Variants in FAM193A observed in about 807,000 individuals in gnomAD.
FAM193A encodes family with sequence similarity 193 member A.
A neutral mutation model predicts 126.5 loss-of-function variants in FAM193A; 22 were observed. The ratio of observed to expected loss-of-function variants is 0.17; its 90% CI spans 0.12 to 0.25. The LOEUF (loss-of-function observed/expected upper bound fraction) is 0.25. Ranked by LOEUF, FAM193A falls within the 10% of genes least tolerant of loss-of-function variation. FAM193A has a pLI of 1.00. For synonymous variants in FAM193A, 761 were observed against 646.8 expected (o/e 1.18, Z -2.68); for missense variants, 1,675 against 1,672.8 (o/e 1.00, Z -0.02).
rs114813479 is a variant in FAM193A, at chr4:2,656,743, C to T, written c.1312-1060C>T. Among the ~76,000 whole-genome samples the T allele has an allele frequency of 8.8e-3, 1,343 of 152,320 alleles. 17 individuals carry two copies. The highest frequency in any genetic ancestry group is 0.031 in the African/African-American group (1,291 of 41,558). On this transcript the variant is annotated intron_variant, in intron 7 of 20. Coordinates refer to ENST00000637812, the MANE Select transcript of FAM193A (RefSeq NM_001366318.2). ...AGAAATCTGGATTATTAGGTGAAAT[C>T]TCGAACACTTTTAAAAAGAGGTGAA... is the stretch of plus-strand genomic sequence containing the variant.
At chr4:2,603,720 A>G (rs1022318134) in intron 2 of FAM193A, among the ~76,000 whole-genome samples, 13 of 151,728 alleles carry the variant, frequency 8.6e-5, no homozygotes, top group Admixed American at 7.2e-4. Context: ...TGGCCTCCCA[A>G]AGTACAGGTG....
chr4:2,625,246 T>G lies in FAM193A; in HGVS notation c.502-16T>G, dbSNP rs1356333909. The G allele has an allele frequency of 1.4e-6, 1 of 697,992 alleles. No individual in the cohort carries two copies. The highest frequency in any genetic ancestry group is 2.0e-5 in the Admixed American group (1 of 49,336). 43.2% of individuals were successfully genotyped at this position (697,992 alleles called of 1,614,324 possible). On this transcript the variant is annotated splice_polypyrimidine_tract_variant and intron_variant, in intron 2 of 20. Transcript: ENST00000637812. ...TTTTAACATAACTGGTCTATTCTGT[T>G]CTCTTTTTAAAACAGAGCCAAGATT... is the stretch of plus-strand genomic sequence containing the variant.
chr4:2,631,347 C>A (rs1344927331), intron 5 of FAM193A, among the ~76,000 whole-genome samples, 178 bp downstream of exon 5: 1 of 152,100 alleles, frequency 6.6e-6, no homozygotes. Flanking sequence ...TTCCTCTGGA[C>A]TTTGCCACTG....
chr4:2,636,646 T>A (rs929839394), intron 5 of FAM193A, among the ~76,000 whole-genome samples: 1 of 152,238 alleles, frequency 6.6e-6, no homozygotes, highest in African/African-American at 2.4e-5. Flanking sequence ...AAAAATGATA[T>A]TTGTTTATAT....
rs1349597319 is a variant in FAM193A, at chr4:2,663,301, T to G, written c.2079+13T>G. On this transcript the variant is annotated intron_variant, in intron 12 of 20. Coordinates refer to ENST00000637812, the MANE Select transcript of FAM193A (RefSeq NM_001366318.2). Reference sequence around the variant, plus strand: ...CCCAACACAGCAGGTAGGACTTTGCTTGCTGTTTTGCCAAGGATCTCTTTT... The same window carrying G: ...CCCAACACAGCAGGTAGGACTTTGCGTGCTGTTTTGCCAAGGATCTCTTTT... 1 of 1,541,232 alleles carries G rather than the reference T, an allele frequency of 6.5e-7. No individual in the cohort carries two copies. Among genetic ancestry groups the G allele is most frequent in the Non-Finnish European group, 8.7e-7 (1 of 1,144,818 alleles).
In FAM193A at chr4:2,631,097, C is replaced by G; in HGVS notation, c.966C>G (p.Ile322Met). The G allele has an allele frequency of 6.2e-7, 1 of 1,613,904 alleles. No individual in the cohort carries two copies. The highest frequency in any genetic ancestry group is 8.5e-7 in the Non-Finnish European group (1 of 1,179,982). ...LQGPPQAHQF[I>M]SLLLEEYGAL... The stretch of plus-strand genomic sequence containing the variant: ...GCCCGCCGCAAGCGCACCAGTTCAT[C>G]TCCCTCCTGCTTGAGGAGTACGGCG... The change falls in exon 5 of 21, where the codon ATC becomes ATG. Residue 322 changes from isoleucine to methionine, a missense_variant. Coordinates refer to ENST00000637812, the MANE Select transcript of FAM193A (RefSeq NM_001366318.2).
chr4:2,677,964 T>C (rs1310098106), intron 13 of FAM193A, among the ~76,000 whole-genome samples: 1 of 152,144 alleles, frequency 6.6e-6, no homozygotes, highest in Non-Finnish European at 1.5e-5. Flanking sequence ...TTTATGTTTT[T>C]TTAATTTCTT....
intron 1 of FAM193A, among the ~76,000 whole-genome samples, chr4:2,584,528 C>G (rs900903514): frequency 2.0e-5 from 3 of 151,972 alleles, no homozygotes; most frequent in African/African-American, 2.4e-5. Flanking sequence ...AATTTGACCC[C>G]TGGTATAAGC....
chr4:2,550,410 A>G (rs1737841444), intron 1 of FAM193A, among the ~76,000 whole-genome samples: 1 of 151,526 alleles, frequency 6.6e-6, no homozygotes, highest in Non-Finnish European at 1.5e-5. Flanking sequence ...ACATTCCTAG[A>G]ATGAACCCCT....
chr4:2,677,842 C>G (rs78138036), intron 13 of FAM193A, among the ~76,000 whole-genome samples: 4,634 of 152,050 alleles, frequency 0.03, 256 homozygotes, highest in African/African-American at 0.1. Flanking sequence ...ACATCATTGG[C>G]ATTTTGATGG....
intron 1 of FAM193A, among the ~76,000 whole-genome samples, chr4:2,585,141 A>T (rs1740165362): frequency 6.6e-6 from 1 of 152,196 alleles, no homozygotes; most frequent in Admixed American, 6.5e-5. Context: ...CTGTTCATTC[A>T]TTCTACAGTT....
intron 14 of FAM193A, 131 bp from the exon 15 acceptor site, chr4:2,690,567 G>A (rs991042695): frequency 1.3e-6 from 1 of 781,584 alleles, no homozygotes; most frequent in Non-Finnish European, 2.1e-6. Flanking sequence ...AGTTGACTTA[G>A]TGTCATCCCA....
chr4:2,705,464 C>CTT (rs11403387), intron 19 of FAM193A, among the ~76,000 whole-genome samples: 101 of 149,798 alleles, frequency 6.7e-4, no homozygotes, highest in Non-Finnish European at 9.6e-4. Context: ...TGTGTAGTTT[C>CTT]TTTTTTTTTC....
At chr4:2,678,673 A>T (rs1714735841) in intron 13 of FAM193A, among the ~76,000 whole-genome samples, 1 of 152,066 alleles carries the variant, frequency 6.6e-6, no homozygotes, top group Non-Finnish European at 1.5e-5. Context: ...CTAAATTATT[A>T]TTTTTGATGC....
At chr4:2,661,122 A>G (rs1356054428) in intron 10 of FAM193A, among the ~76,000 whole-genome samples, 1 of 152,208 alleles carries the variant, frequency 6.6e-6, no homozygotes, top group Non-Finnish European at 1.5e-5. Flanking sequence ...CACGTGTGGT[A>G]GTGGAAGAAA....
intron 1 of FAM193A, among the ~76,000 whole-genome samples, chr4:2,584,058 CTTT>C (rs1468489555): frequency 1.3e-5 from 2 of 152,046 alleles, no homozygotes. Flanking sequence ...AAACCTTCTT[CTTT>C]GTTTTCTTCT....
At chr4:2,660,151 T>C (rs1431248518) in intron 10 of FAM193A, 97 bp downstream of exon 10, 7 of 1,340,612 alleles carry the variant, frequency 5.2e-6, no homozygotes, top group East Asian at 2.3e-5. Flanking sequence ...AACATCATTA[T>C]TGTGCTTTTC....
chr4:2,719,948 C>T (rs1045434912), intron 20 of FAM193A: 1 of 311,480 alleles, frequency 3.2e-6, no homozygotes, highest in Non-Finnish European at 6.6e-6. Flanking sequence ...ATGCACCATG[C>T]CTGGCTAATT....
intron 1 of FAM193A, among the ~76,000 whole-genome samples, chr4:2,564,943 C>G (rs1022293712): frequency 1.3e-5 from 2 of 152,002 alleles, no homozygotes; most frequent in African/African-American, 4.8e-5. Context: ...AGACTACAGT[C>G]ACATGCCACC....
Sources: gnomAD v4.1 joint callset for allele counts (sites outside exome capture counted in the v4.1 genomes callset) on GRCh38, gnomAD v4.1.1 for gene constraint, MANE v1.5 for transcripts, NCBI Gene and HGNC (gene_info 2026-07-23, HGNC 2026-07-21) for gene names.